The following AGMO variants were observed in gnomAD, a reference collection of about 807,000 sequenced individuals.
The protein encoded by AGMO is alkylglycerol monooxygenase, also known as glyceryl-ether monooxygenase.
Under a neutral mutation model 60.2 loss-of-function variants are expected in AGMO, and 75 were observed. The ratio of observed to expected loss-of-function variants is 1.25; its 90% confidence interval spans 1.03 to 1.51. The LOEUF (loss-of-function observed/expected upper bound fraction) is 1.51. Among genes scored for constraint, AGMO ranks in the 40% most tolerant of loss-of-function variants. The pLI, the probability that AGMO is intolerant of heterozygous loss-of-function variation, is 0.00. For synonymous variants in AGMO, 261 were observed against 177.1 expected, an observed-to-expected ratio of 1.47 and a Z score of -3.76; for missense variants, 763 against 525.5, an observed-to-expected ratio of 1.45 and a Z score of -4.42.
intron 12 of AGMO, among the ~76,000 whole-genome samples, chr7:15,309,318 AG>A (rs1256848960): frequency 1.3e-5 from 2 of 152,112 alleles, no homozygotes; most frequent in Non-Finnish European, 2.9e-5. Context: ...ATTTTTGAGT[AG>A]GTACCAATAA....
chr7:15,292,889 C>T (rs1393681622), intron 12 of AGMO, among the ~76,000 whole-genome samples: 1 of 151,116 alleles, frequency 6.6e-6, no homozygotes, highest in Non-Finnish European at 1.5e-5. Flanking sequence ...TACCGAGTAG[C>T]TGGGATTACA....
At chr7:15,189,361 T>A in the AGMO span, among the ~76,000 whole-genome samples, 932 of 151,980 alleles carry the variant, frequency 6.1e-3, 14 homozygotes, top group African/African-American at 0.022. Context: ...ATTAGGAAAA[T>A]AGACTCATTT....
At chr7:15,392,069 T>A (rs1784164796) in intron 6 of AGMO, among the ~76,000 whole-genome samples, 1 of 151,886 alleles carries the variant, frequency 6.6e-6, no homozygotes, top group Admixed American at 6.6e-5. Flanking sequence ...TTTTTATTTT[T>A]TAATTTAATT....
downstream of AGMO, among the ~76,000 whole-genome samples, chr7:15,198,274 T>C: frequency 1.2e-5 from 1 of 83,944 alleles, no homozygotes; most frequent in Non-Finnish European, 2.4e-5. Flanking sequence ...AGAGAGAGAG[T>C]GTGTTAAAGT....
the AGMO span, among the ~76,000 whole-genome samples, chr7:15,180,656 C>A: frequency 6.6e-6 from 1 of 152,186 alleles, no homozygotes; most frequent in Non-Finnish European, 1.5e-5. Flanking sequence ...TAGGCCTTGT[C>A]TAGTCTGTTC....
chr7:15,383,512 A>G (rs1485373471), intron 10 of AGMO, among the ~76,000 whole-genome samples: 2 of 152,148 alleles, frequency 1.3e-5, no homozygotes, highest in Non-Finnish European at 2.9e-5. Flanking sequence ...ATAATTAACT[A>G]TATAAATCAT....
chr7:15,134,735 C>T, the AGMO span, among the ~76,000 whole-genome samples: 2 of 152,016 alleles, frequency 1.3e-5, no homozygotes, highest in African/African-American at 4.8e-5. Flanking sequence ...CACGCCTTTG[C>T]TGTTGTGAAC....
intron 3 of AGMO, among the ~76,000 whole-genome samples, chr7:15,434,484 C>T (rs1781342998): frequency 6.6e-6 from 1 of 152,084 alleles, no homozygotes; most frequent in Non-Finnish European, 1.5e-5. Context: ...CAAACACTCT[C>T]TAAGAAAAGC....
At chr7:15,559,558 T>C (rs1785244771) in intron 2 of AGMO, among the ~76,000 whole-genome samples, 1 of 151,896 alleles carries the variant, frequency 6.6e-6, no homozygotes, top group South Asian at 2.1e-4. Flanking sequence ...AGGATAAACA[T>C]GACAAATAGA....
the AGMO span, among the ~76,000 whole-genome samples, chr7:15,119,063 T>C: frequency 2.6e-5 from 4 of 151,704 alleles, no homozygotes; most frequent in Admixed American, 6.6e-5. Flanking sequence ...ATTTCACTAA[T>C]AGTGATTCCT....
At chr7:15,544,488 TG>T (rs1353843766) in intron 3 of AGMO, among the ~76,000 whole-genome samples, 1 of 152,114 alleles carries the variant, frequency 6.6e-6, no homozygotes, top group Non-Finnish European at 1.5e-5. Context: ...AAAAACCAAA[TG>T]GTAAATAATA....
At chr7:15,146,792 T>A in the AGMO span, among the ~76,000 whole-genome samples, 1 of 152,208 alleles carries the variant, frequency 6.6e-6, no homozygotes, top group African/African-American at 2.4e-5. Flanking sequence ...AGTGCATTCA[T>A]GATCATGGCA....
chr7:15,516,326 A>T (rs968485950), intron 3 of AGMO, among the ~76,000 whole-genome samples: 2 of 152,132 alleles, frequency 1.3e-5, no homozygotes, highest in African/African-American at 2.4e-5. Flanking sequence ...TAAATGATTC[A>T]TTTCTATTTT....
At chr7:15,219,466 C>T (rs1013193442) in intron 12 of AGMO, among the ~76,000 whole-genome samples, 3 of 149,928 alleles carry the variant, frequency 2.0e-5, no homozygotes, top group African/African-American at 7.4e-5. Context: ...GGGCCAGAAA[C>T]AACAATCCAG....
the AGMO span, among the ~76,000 whole-genome samples, chr7:15,129,220 T>C: frequency 5.3e-5 from 8 of 152,098 alleles, no homozygotes; most frequent in Admixed American, 3.3e-4. Context: ...GCAGAAGTTG[T>C]TGCTCGGTTT....
chr7:15,535,639 TA>T (rs202100627), intron 3 of AGMO, among the ~76,000 whole-genome samples: 2,184 of 151,924 alleles, frequency 0.014, 22 homozygotes, highest in Middle Eastern at 0.034. Flanking sequence ...GTAACAACTT[TA>T]AAAAAATATC....
intron 3 of AGMO, among the ~76,000 whole-genome samples, chr7:15,466,901 A>G (rs1254451235): frequency 6.6e-6 from 1 of 152,104 alleles, no homozygotes; most frequent in African/African-American, 2.4e-5. Context: ...AATTGTAGGT[A>G]AGGTTACCAG....
chr7:15,428,582 G>A (rs991733118), intron 4 of AGMO, among the ~76,000 whole-genome samples: 2 of 152,082 alleles, frequency 1.3e-5, no homozygotes, highest in Non-Finnish European at 2.9e-5. Flanking sequence ...ACAATAAACT[G>A]GACTCAAGCT....
the AGMO span, among the ~76,000 whole-genome samples, chr7:15,166,603 TAAG>T: frequency 1.3e-5 from 2 of 152,094 alleles, no homozygotes; most frequent in Non-Finnish European, 2.9e-5. Flanking sequence ...GGTGCTATAT[TAAG>T]AAGATTACTT....
Sources: allele counts gnomAD v4.1 joint callset (sites outside exome capture counted in the v4.1 genomes callset), GRCh38; gene constraint gnomAD v4.1.1; transcripts MANE v1.5; gene names NCBI Gene and HGNC (gene_info 2026-07-23, HGNC 2026-07-21).